Variants in ITPRID1 observed in about 807,000 individuals in gnomAD.
ITPRID1 encodes the protein protein ITPRID1.
A neutral mutation model predicts 95.4 loss-of-function variants in ITPRID1; 96 were observed. The observed-to-expected ratio is 1.01, with a 90% CI of 0.85 to 1.19. The LOEUF (loss-of-function observed/expected upper bound fraction) is 1.19, where lower values mean the gene tolerates loss of function less well. ITPRID1 is among the 50% of genes most tolerant of loss of function. ITPRID1 has a pLI of 0.00. For missense variants in ITPRID1, 1,339 were observed against 1,252.9 expected, an observed-to-expected ratio of 1.07 and a Z score of -1.04; for synonymous variants, 510 against 453.6, an observed-to-expected ratio of 1.12 and a Z score of -1.58.
chr7:31,548,703 G>A (rs919603019), intron 1 of ITPRID1, among the ~76,000 whole-genome samples: 1 of 152,158 alleles, frequency 6.6e-6, no homozygotes, highest in African/African-American at 2.4e-5. Flanking sequence ...TCATCCAGGG[G>A]AAGAAGGATG....
At chr7:31,658,175 T>C, downstream of ITPRID1, 1 of 1,099,734 alleles carries the variant, frequency 9.1e-7, no homozygotes, top group Non-Finnish European at 1.2e-6. Flanking sequence ...GCCATGTAGA[T>C]TTGTGTAAGG....
At chr7:31,618,059 G>C (rs1314682014) in intron 10 of ITPRID1, among the ~76,000 whole-genome samples, 1 of 152,176 alleles carries the variant, frequency 6.6e-6, no homozygotes, top group Non-Finnish European at 1.5e-5. Flanking sequence ...GAAGCCAAGA[G>C]ATGACAGAAG....
intron 10 of ITPRID1, among the ~76,000 whole-genome samples, chr7:31,614,091 T>G (rs1440105026): frequency 6.6e-6 from 1 of 152,150 alleles, no homozygotes; most frequent in African/African-American, 2.4e-5. Context: ...ATATCAAAGT[T>G]TAAGAACTCC....
intron 9 of ITPRID1, among the ~76,000 whole-genome samples, chr7:31,581,723 T>C (rs540862291): frequency 6.6e-6 from 1 of 152,262 alleles, no homozygotes; most frequent in Admixed American, 6.5e-5. Context: ...GGCTTTTCCT[T>C]TTTTTTCAAA....
chr7:31,570,378 T>C (rs1784943574), intron 6 of ITPRID1, among the ~76,000 whole-genome samples: 5 of 152,166 alleles, frequency 3.3e-5, no homozygotes, highest in African/African-American at 1.2e-4. Context: ...TCTGTATTTG[T>C]GCATGTCCTT....
At chr7:31,552,954 G>A (rs1784330321) in intron 2 of ITPRID1, 48 bp from the exon 3 acceptor site, 1 of 1,535,162 alleles carries the variant, frequency 6.5e-7, no homozygotes, top group African/African-American at 1.4e-5. Flanking sequence ...GCCAAGCCCA[G>A]AAGCTGAACT....
At chr7:31,576,748 C>G (rs1785198280) in intron 8 of ITPRID1, among the ~76,000 whole-genome samples, 1 of 152,112 alleles carries the variant, frequency 6.6e-6, no homozygotes, top group African/African-American at 2.4e-5. Context: ...TGTGATGATG[C>G]AAACACAACA....
At chr7:31,529,946 C>T in intron 1 of ITPRID1, 1 of 693,514 alleles carries the variant, frequency 1.4e-6, no homozygotes, top group Non-Finnish European at 2.4e-6. Context: ...TGTTCTGAAA[C>T]TTCTTTACCT....
intron 10 of ITPRID1, among the ~76,000 whole-genome samples, chr7:31,605,387 A>G (rs17478590): frequency 0.094 from 14,308 of 152,292 alleles, 876 homozygotes; most frequent in Middle Eastern, 0.15. Flanking sequence ...CTAGTATAAA[A>G]CAATTCAAGG....
At chr7:31,577,490 T>C (rs1190361521) in intron 8 of ITPRID1, among the ~76,000 whole-genome samples, 1 of 152,204 alleles carries the variant, frequency 6.6e-6, no homozygotes, top group Non-Finnish European at 1.5e-5. Context: ...TGGAGGAATA[T>C]TCAGGTAGCC....
intron 10 of ITPRID1, among the ~76,000 whole-genome samples, chr7:31,595,943 A>G (rs1412441334): frequency 6.6e-6 from 1 of 151,932 alleles, no homozygotes; most frequent in African/African-American, 2.4e-5. Context: ...AATATGCAAA[A>G]CCCATTTTAA....
chr7:31,640,206 C>T (rs199711580), intron 10 of ITPRID1, among the ~76,000 whole-genome samples: 212 of 152,300 alleles, frequency 1.4e-3, no homozygotes, highest in Middle Eastern at 6.8e-3. Flanking sequence ...CCCTCAATGT[C>T]CTGTGAAATA....
rs570393033 is a variant in ITPRID1, at chr7:31,653,086, C to T, written c.*257C>T. The T allele has an allele frequency of 2.4e-5, 19 of 805,406 alleles. No homozygotes were observed. In the South Asian group the frequency reaches 4.7e-4, roughly 20 times the overall value. The allele number at this position is 805,406 out of a possible 1,614,324, so 49.9% of individuals were successfully genotyped here. On this transcript the variant is annotated 3_prime_UTR_variant, in exon 15 of 15. Coordinates refer to ENST00000615280, the MANE Select transcript of ITPRID1 (RefSeq NM_001257967.3). ...TAAATAGTATACGGTCTCTGCCCTG[C>T]TAGAACTTACAGTGTAGTGGGGGAG... is the stretch of plus-strand genomic sequence containing the variant.
intron 10 of ITPRID1, among the ~76,000 whole-genome samples, chr7:31,616,487 G>C (rs1023275513): frequency 6.6e-6 from 1 of 152,124 alleles, no homozygotes; most frequent in Non-Finnish European, 1.5e-5. Context: ...GATGTATTCT[G>C]AGGAAGTACA....
chr7:31,645,669 A>G (rs1302853555), intron 12 of ITPRID1, among the ~76,000 whole-genome samples: 1 of 152,164 alleles, frequency 6.6e-6, no homozygotes, highest in Non-Finnish European at 1.5e-5. Flanking sequence ...CCCTAAGTAA[A>G]TGGTTTTCAA....
chr7:31,629,958 T>G (rs1788841489), intron 10 of ITPRID1, among the ~76,000 whole-genome samples: 1 of 152,046 alleles, frequency 6.6e-6, no homozygotes, highest in South Asian at 2.1e-4. Context: ...ATAAATATAA[T>G]AAATATCATG....
chr7:31,529,333 A>G (rs997336753), intron 1 of ITPRID1: 1 of 157,980 alleles, frequency 6.3e-6, no homozygotes, highest in Non-Finnish European at 1.4e-5. Context: ...AAATGAAGAC[A>G]AGTTTGCTTT....
intron 5 of ITPRID1, among the ~76,000 whole-genome samples, chr7:31,556,378 C>T (rs1315488877): frequency 1.3e-5 from 2 of 152,176 alleles, no homozygotes. Context: ...ATTTTAAACT[C>T]CATGGCCTGT....
rs1784636537 is a variant in ITPRID1 at position 31,561,911 on chromosome 7, C to T, written c.256+7010C>T. On this transcript the variant is annotated intron_variant, in intron 5 of 14. Transcript: ENST00000615280. The stretch of plus-strand genomic sequence containing the variant: ...ATAGACCTTCCTGTAACCACAAACA[C>T]AAGATAGAACATTCAGAGTCTTTTT... 2.0e-5 allele frequency among the ~76,000 whole-genome samples: 3 copies of T among 152,116 alleles called. No homozygotes were observed. In the South Asian group the frequency reaches 6.2e-4, roughly 32 times the overall value.
Sources: gnomAD v4.1 joint callset for allele counts (sites outside exome capture counted in the v4.1 genomes callset) on GRCh38, gnomAD v4.1.1 for gene constraint, MANE v1.5 for transcripts, NCBI Gene and HGNC (gene_info 2026-07-23, HGNC 2026-07-21) for gene names.